TNFRSF11A: variants seen among roughly 807,000 people sequenced by gnomAD.
The protein encoded by TNFRSF11A is TNF receptor superfamily member 11a, also known as tumor necrosis factor receptor superfamily member 11A.
A neutral mutation model predicts 55.7 loss-of-function variants in TNFRSF11A; 32 were observed. That is an observed-to-expected ratio of 0.57 (90% confidence interval 0.43 to 0.77). TNFRSF11A has a LOEUF of 0.77. TNFRSF11A is among the 30% of genes least tolerant of loss of function. The pLI is 0.00. For synonymous variants in TNFRSF11A, 311 were observed against 331.0 expected (o/e 0.94, Z 0.65); for missense variants, 753 against 809.8 (o/e 0.93, Z 0.85).
intron 1 of TNFRSF11A, chr18:62,336,613 CA>C: frequency 1.3e-5 from 2 of 152,316 alleles, no homozygotes; most frequent in Middle Eastern, 6.8e-3. Context: ...CCAAGAATGA[CA>C]ATGTAAAAAG....
intron 4 of TNFRSF11A, 111 bp from the exon 5 acceptor site, chr18:62,358,137 G>A (rs1909406506): frequency 1.0e-6 from 1 of 987,752 alleles, no homozygotes; most frequent in Non-Finnish European, 1.6e-6. Flanking sequence ...GGCAGAGAGG[G>A]GCAGCGCCTC....
chr18:62,375,891 CG>C (rs1910859890), intron 9 of TNFRSF11A, among the ~76,000 whole-genome samples: 1 of 152,156 alleles, frequency 6.6e-6, no homozygotes, highest in African/African-American at 2.4e-5. Flanking sequence ...CCCAGCCACT[CG>C]GGAGGCTGAG....
At position 62,354,537 on chromosome 18, in the gene TNFRSF11A, A is replaced by G. The variant is rs1472285071; in HGVS notation, c.427+3A>G. 4.4e-6 allele frequency: 7 copies of G among 1,602,520 alleles called. No homozygotes were observed. Among genetic ancestry groups the G allele is most frequent in the African/African-American group, 1.3e-5 (1 of 74,910 alleles). On this transcript the variant is annotated splice_donor_region_variant and intron_variant, in intron 4 of 9. Transcript: ENST00000586569. ...GGGCCTGGGCGCCCAGCACCCGTGT[A>G]CGGGTTGGATGTGTGCGTCTGTCGG...
intron 9 of TNFRSF11A, among the ~76,000 whole-genome samples, chr18:62,376,968 G>A (rs555330481): frequency 3.9e-5 from 6 of 152,250 alleles, no homozygotes; most frequent in African/African-American, 1.4e-4. Flanking sequence ...AGGCTGGAGT[G>A]CAGTGGCGTG....
At chr18:62,353,473 A>T (rs748064710) in intron 3 of TNFRSF11A, among the ~76,000 whole-genome samples, 16 of 152,210 alleles carry the variant, frequency 1.1e-4, no homozygotes, top group Non-Finnish European at 1.2e-4. Flanking sequence ...GTGAGCTGAA[A>T]CAAGAAGGCA....
rs951269014 is a variant in TNFRSF11A, at chr18:62,387,181, A to C, written c.*2147A>C. On this transcript the variant is annotated 3_prime_UTR_variant, in exon 10 of 10. Coordinates refer to ENST00000586569, the MANE Select transcript of TNFRSF11A (RefSeq NM_003839.4). Reference sequence around the variant, plus strand: ...TCCTTAAATCAAAGGTGCTATATACATAAGTAAGACTCTACTTTCAGAAAA... The same window carrying C: ...TCCTTAAATCAAAGGTGCTATATACCTAAGTAAGACTCTACTTTCAGAAAA... The C allele has an allele frequency of 6.6e-6, 1 of 152,246 alleles. No homozygotes were observed. Among genetic ancestry groups the C allele is most frequent in the Non-Finnish European group, 1.5e-5 (1 of 68,044 alleles). 9.4% of individuals were successfully genotyped at this position (152,246 alleles called of 1,614,324 possible). A position where few individuals can be genotyped will look rare whatever the true frequency, so the allele number is the denominator to read the frequency against.
At chr18:62,367,251 T>G (rs1910159137) in intron 8 of TNFRSF11A, among the ~76,000 whole-genome samples, 1 of 152,210 alleles carries the variant, frequency 6.6e-6, no homozygotes, top group African/African-American at 2.4e-5. Context: ...CCAGGCTCAT[T>G]CTAGATGCCT....
chr18:62,343,959 A>G (rs2145275367), intron 1 of TNFRSF11A, among the ~76,000 whole-genome samples: 1 of 152,336 alleles, frequency 6.6e-6, no homozygotes. Flanking sequence ...ATACTCTATC[A>G]ATCCATGGCT....
intron 1 of TNFRSF11A, among the ~76,000 whole-genome samples, chr18:62,342,246 AC>A (rs1207120808): frequency 1.5e-4 from 22 of 151,416 alleles, no homozygotes; most frequent in Non-Finnish European, 2.9e-4. Flanking sequence ...ACCAAAAAAT[AC>A]AAAAATTAGC....
chr18:62,339,151 C>T (rs2046276265), intron 1 of TNFRSF11A, among the ~76,000 whole-genome samples: 1 of 152,120 alleles, frequency 6.6e-6, no homozygotes, highest in Admixed American at 6.5e-5. Flanking sequence ...AAAGACCCTC[C>T]CTTCCTTCTA....
intron 4 of TNFRSF11A, 23 bp from the exon 5 acceptor site, chr18:62,358,224 TG>T (rs766024657): frequency 1.4e-5 from 21 of 1,509,148 alleles, no homozygotes; most frequent in African/African-American, 5.6e-5. Context: ...CTGTCTGGGT[TG>T]TTTTTTTTTT....
At chr18:62,375,761 G>T (rs1467601699) in intron 9 of TNFRSF11A, among the ~76,000 whole-genome samples, 1 of 152,178 alleles carries the variant, frequency 6.6e-6, no homozygotes, top group African/African-American at 2.4e-5. Context: ...AGCACTTTGG[G>T]AAGCCAAGGT....
intron 1 of TNFRSF11A, among the ~76,000 whole-genome samples, chr18:62,327,954 C>T (rs1472762073): frequency 4.6e-5 from 7 of 152,164 alleles, no homozygotes; most frequent in Non-Finnish European, 1.0e-4. Flanking sequence ...TTCCAGGTAA[C>T]AAAATATAGA....
chr18:62,345,181 G>A (rs573875750), intron 1 of TNFRSF11A, among the ~76,000 whole-genome samples: 2 of 152,306 alleles, frequency 1.3e-5, no homozygotes, highest in Non-Finnish European at 2.9e-5. Context: ...CACAGGGCAC[G>A]CTTTACGGGC....
At chr18:62,340,049 G>C (rs1163148619) in intron 1 of TNFRSF11A, among the ~76,000 whole-genome samples, 1 of 151,568 alleles carries the variant, frequency 6.6e-6, no homozygotes, top group Non-Finnish European at 1.5e-5. Context: ...CAGCTACTCA[G>C]GGGCTGGCAT....
intron 9 of TNFRSF11A, among the ~76,000 whole-genome samples, chr18:62,382,107 C>CTTTTTTTTTTTT (rs574488222): frequency 4.5e-5 from 4 of 89,466 alleles, no homozygotes; most frequent in Non-Finnish European, 6.3e-5. Context: ...TTCCTGAGTC[C>CTTTTTTTTTTTT]TTTTTTTTTT....
At chr18:62,337,038 G>A (rs985309103) in intron 1 of TNFRSF11A, among the ~76,000 whole-genome samples, 2 of 152,134 alleles carry the variant, frequency 1.3e-5, no homozygotes, top group African/African-American at 4.8e-5. Flanking sequence ...ATGCTGATGG[G>A]CCCAATAACA....
chr18:62,353,878 C>T (rs1909032964), intron 3 of TNFRSF11A, among the ~76,000 whole-genome samples: 1 of 152,164 alleles, frequency 6.6e-6, no homozygotes. Context: ...CCAAGCATGT[C>T]ACTGGGCCTG....
intron 1 of TNFRSF11A, among the ~76,000 whole-genome samples, chr18:62,343,323 C>A (rs1033978544): frequency 6.6e-6 from 1 of 152,192 alleles, no homozygotes; most frequent in Non-Finnish European, 1.5e-5. Context: ...CTTTCTACAT[C>A]GTTCGATGTC....
Sources: allele counts gnomAD v4.1 joint callset (sites outside exome capture counted in the v4.1 genomes callset), GRCh38; gene constraint gnomAD v4.1.1; transcripts MANE v1.5; gene names NCBI Gene and HGNC (gene_info 2026-07-23, HGNC 2026-07-21).